Variants in LCORL observed in about 807,000 individuals in gnomAD.
LCORL encodes ligand dependent nuclear receptor corepressor like.
Under a neutral mutation model 141.8 loss-of-function variants are expected in LCORL, and 41 were observed. That is an observed-to-expected ratio of 0.29 (90% CI 0.23 to 0.38). The LOEUF is 0.38. LCORL is among the 10% of genes least tolerant of loss of function. The probability of loss-of-function intolerance (pLI) is 1.00; values close to 1 mark genes in which losing one functional copy is unlikely to be tolerated. For missense variants in LCORL, 1,759 were observed against 2,035.0 expected, an observed-to-expected ratio of 0.86 and a Z score of 2.61; for synonymous variants, 618 against 694.1, an observed-to-expected ratio of 0.89 and a Z score of 1.72.
At chr4:17,886,920 T>C (rs186329246) in intron 5 of LCORL, among the ~76,000 whole-genome samples, 1 of 152,174 alleles carries the variant, frequency 6.6e-6, no homozygotes, top group African/African-American at 2.4e-5. Flanking sequence ...AACCATGAAT[T>C]TAAAACCCAG....
chr4:17,896,128 G>T (rs1729883728), intron 5 of LCORL, among the ~76,000 whole-genome samples: 1 of 152,016 alleles, frequency 6.6e-6, no homozygotes, highest in South Asian at 2.1e-4. Context: ...TTTCCAAAGG[G>T]GTTGCATCAT....
exon 4 of LCORL, chr4:17,961,998 G>C (rs970102955): frequency 6.2e-7 from 1 of 1,608,434 alleles, no homozygotes; most frequent in Non-Finnish European, 8.5e-7. Context: ...CTCTGTTGGT[G>C]TTGACTGTGA....
Position 17,990,259 on chromosome 4 carries a change from C to T in LCORL, c.155-17374G>A, listed in dbSNP as rs568498822. Among the ~76,000 whole-genome samples the T allele has an allele frequency of 1.1e-4, 16 of 151,976 alleles. No homozygotes were observed. In the South Asian group the frequency reaches 1.7e-3, roughly 16 times the overall value. On this transcript the variant is annotated intron_variant, in intron 1 of 7. Coordinates refer to ENST00000635767, the Ensembl canonical transcript of LCORL. ...GACTACAGGCGCCCACCACCACGCCCGGCTAATTTTTTGTATTTTTAGTAC... is the reference window on the plus strand; with the variant it reads ...GACTACAGGCGCCCACCACCACGCCTGGCTAATTTTTTGTATTTTTAGTAC...
At chr4:17,980,443 T>C (rs185250702) in intron 1 of LCORL, among the ~76,000 whole-genome samples, 21 of 152,268 alleles carry the variant, frequency 1.4e-4, no homozygotes, top group Admixed American at 8.5e-4. Context: ...CAATCTCCCA[T>C]AGAATTATTT....
intron 7 of LCORL, among the ~76,000 whole-genome samples, chr4:17,853,896 A>T (rs1724056311): frequency 1.0e-5 from 1 of 97,072 alleles, no homozygotes; most frequent in African/African-American, 5.4e-5. Context: ...GGAGTATTTA[A>T]AAAAAGTGAT....
chr4:17,886,591 A>C (rs938927645), intron 5 of LCORL, among the ~76,000 whole-genome samples: 22 of 152,036 alleles, frequency 1.4e-4, no homozygotes, highest in Admixed American at 8.5e-4. Context: ...GAATTGAATA[A>C]TTAGCATTTA....
chr4:17,845,905 G>A lies in LCORL; in HGVS notation c.5603-4C>T, dbSNP rs755563964. 20 of 1,590,632 alleles carry A rather than the reference G, an allele frequency of 1.3e-5. No individual in the cohort carries two copies. In the South Asian group the frequency reaches 1.3e-4, roughly 10 times the overall value. On this transcript the variant is annotated splice_polypyrimidine_tract_variant and splice_region_variant and intron_variant, in intron 7 of 7. Coordinates refer to ENST00000635767, the Ensembl canonical transcript of LCORL. ...ATCAGTTTTCACTTGTAGCATGCTG[G>A]AAGAAAAAGTGTAAGGCATTTTAGT... is the stretch of plus-strand genomic sequence containing the variant.
intron 4 of LCORL, among the ~76,000 whole-genome samples, chr4:17,926,246 G>T (rs1735125227): frequency 6.6e-6 from 1 of 152,008 alleles, no homozygotes; most frequent in Admixed American, 6.6e-5. Context: ...TGTCTGTGAG[G>T]GTGTTGCCAA....
intron 1 of LCORL, among the ~76,000 whole-genome samples, chr4:18,011,025 C>T (rs887819884): frequency 6.6e-6 from 1 of 151,904 alleles, no homozygotes; most frequent in Non-Finnish European, 1.5e-5. Context: ...TTCCTCTTGC[C>T]CCTGGGGTTG....
intron 1 of LCORL, among the ~76,000 whole-genome samples, chr4:18,018,237 A>T (rs1265603043): frequency 6.6e-6 from 1 of 152,156 alleles, no homozygotes; most frequent in Admixed American, 6.5e-5. Flanking sequence ...ACATTTCATA[A>T]GATCCAGGAC....
At chr4:17,937,034 G>C (rs1290293335) in intron 4 of LCORL, among the ~76,000 whole-genome samples, 1 of 151,974 alleles carries the variant, frequency 6.6e-6, no homozygotes, top group Non-Finnish European at 1.5e-5. Flanking sequence ...TTTACATATA[G>C]GGCTAAAAAA....
intron 4 of LCORL, among the ~76,000 whole-genome samples, chr4:17,952,662 G>A (rs535739177): frequency 1.6e-4 from 25 of 152,196 alleles, no homozygotes; most frequent in African/African-American, 5.3e-4. Flanking sequence ...TGATCCGCCC[G>A]CCTCGGCCTC....
At chr4:17,993,038 C>G (rs16896213) in intron 1 of LCORL, among the ~76,000 whole-genome samples, 37,028 of 151,894 alleles carry the variant, frequency 0.24, 5,878 homozygotes, top group African/African-American at 0.45. Context: ...AAACAAGGAA[C>G]GGCACATTAC....
intron 1 of LCORL, among the ~76,000 whole-genome samples, chr4:18,003,954 A>T (rs1483765860): frequency 6.6e-6 from 1 of 152,252 alleles, no homozygotes; most frequent in Non-Finnish European, 1.5e-5. Context: ...ATAAAGTCCA[A>T]AGCCACCTGT....
At chr4:17,998,419 AT>A (rs1299431548) in intron 1 of LCORL, among the ~76,000 whole-genome samples, 8 of 152,036 alleles carry the variant, frequency 5.3e-5, no homozygotes, top group African/African-American at 1.4e-4. Context: ...TTATTCTATA[AT>A]TTTTTTCTAT....
intron 5 of LCORL, among the ~76,000 whole-genome samples, chr4:17,893,804 T>C (rs1729476304): frequency 6.6e-6 from 1 of 152,134 alleles, no homozygotes; most frequent in Non-Finnish European, 1.5e-5. Context: ...AGGTTATTTA[T>C]TTATTTATTT....
chr4:17,887,318 C>T (rs1474681149), intron 5 of LCORL, among the ~76,000 whole-genome samples: 4 of 152,062 alleles, frequency 2.6e-5, no homozygotes, highest in African/African-American at 4.8e-5. Flanking sequence ...ACCAGCACCA[C>T]TACCACCAGC....
At chr4:17,924,667 T>A (rs1365485532) in intron 4 of LCORL, among the ~76,000 whole-genome samples, 6 of 152,208 alleles carry the variant, frequency 3.9e-5, no homozygotes, top group Admixed American at 6.5e-5. Context: ...TTTACCATCA[T>A]GGTATTCCAC....
intron 6 of LCORL, chr4:17,882,213 T>C (rs1351497029): frequency 1.0e-6 from 1 of 984,490 alleles, no homozygotes. Context: ...ACACAAGCAT[T>C]TGACAAGGTG....
Sources: gnomAD v4.1 joint callset for allele counts (sites outside exome capture counted in the v4.1 genomes callset) on GRCh38, gnomAD v4.1.1 for gene constraint, MANE v1.5 for transcripts, NCBI Gene and HGNC (gene_info 2026-07-23, HGNC 2026-07-21) for gene names.